Variants in NXPH1 observed in about 807,000 individuals in gnomAD.
NXPH1 encodes neurexophilin 1, also known as neurexophilin-1.
In NXPH1, 5 loss-of-function variants were observed where a neutral mutation model predicts 23.7. That is an observed-to-expected ratio of 0.21 (90% CI 0.11 to 0.44). The LOEUF (loss-of-function observed/expected upper bound fraction) is 0.44. Among genes scored for constraint, NXPH1 ranks in the 20% least tolerant of loss-of-function variants. The probability of loss-of-function intolerance (pLI) is 0.99; values close to 1 mark genes in which losing one functional copy is unlikely to be tolerated. For synonymous variants in NXPH1, 144 were observed against 122.2 expected (o/e 1.18, Z -1.18); for missense variants, 324 against 321.6 (o/e 1.01, Z -0.06).
chr7:8,598,626 T>A (rs1819283554), intron 2 of NXPH1, among the ~76,000 whole-genome samples: 1 of 152,166 alleles, frequency 6.6e-6, no homozygotes, highest in African/African-American at 2.4e-5. Flanking sequence ...AAACCTTTTT[T>A]ATTGAGTGAA....
Position 8,710,948 on chromosome 7 carries a change from C to T in NXPH1, c.55-40060C>T, listed in dbSNP as rs1173713314. ...AAGTGCTGGGACTACAGGCGTGAGC[C>T]ACCGCGCCCGGCCGTTACGGTTTTA... On this transcript the variant is annotated intron_variant, in intron 2 of 2. Transcript: ENST00000405863. Among the ~76,000 whole-genome samples, 4 of 114,996 alleles carry T rather than the reference C, an allele frequency of 3.5e-5. 1 individual carries two copies. Among genetic ancestry groups the T allele is most frequent in the Admixed American group, 2.5e-4 (3 of 12,168 alleles). The allele number at this position is 114,996 out of a possible 152,430, so 75.4% of individuals were successfully genotyped here.
At chr7:8,452,682 A>T (rs2128605674) in intron 2 of NXPH1, among the ~76,000 whole-genome samples, 1 of 152,238 alleles carries the variant, frequency 6.6e-6, no homozygotes, top group Non-Finnish European at 1.5e-5. Context: ...CCATGCTTCT[A>T]TTCAAATGTT....
At chr7:8,688,690 T>TC (rs1017330207) in intron 2 of NXPH1, among the ~76,000 whole-genome samples, 23 of 152,300 alleles carry the variant, frequency 1.5e-4, no homozygotes, top group African/African-American at 5.5e-4. Flanking sequence ...CATCAGACAG[T>TC]CCTATGCTGG....
chr7:8,549,076 A>G (rs1647337659), intron 2 of NXPH1, among the ~76,000 whole-genome samples: 1 of 151,600 alleles, frequency 6.6e-6, no homozygotes, highest in African/African-American at 2.4e-5. Context: ...GCATCTTAAA[A>G]GATAAATTAA....
At chr7:8,728,150 G>T (rs545544061) in intron 2 of NXPH1, among the ~76,000 whole-genome samples, 1 of 151,868 alleles carries the variant, frequency 6.6e-6, no homozygotes, top group African/African-American at 2.4e-5. Context: ...GTCTGTTGTT[G>T]GTGTATAAGA....
intron 2 of NXPH1, among the ~76,000 whole-genome samples, chr7:8,449,110 C>T (rs1040852930): frequency 2.0e-5 from 3 of 152,224 alleles, no homozygotes; most frequent in Non-Finnish European, 4.4e-5. Context: ...GTTTCAAAGT[C>T]CAGGGGCCTT....
chr7:8,605,268 A>T (rs1003339727), intron 2 of NXPH1, among the ~76,000 whole-genome samples: 1 of 152,126 alleles, frequency 6.6e-6, no homozygotes, highest in African/African-American at 2.4e-5. Context: ...AAAGGCTAAT[A>T]CTCAACAGAT....
intron 2 of NXPH1, among the ~76,000 whole-genome samples, chr7:8,436,841 T>G (rs1315920384): frequency 6.6e-6 from 1 of 152,104 alleles, no homozygotes; most frequent in African/African-American, 2.4e-5. Flanking sequence ...CCCAAGAGCC[T>G]TAGATAGAAC....
At chr7:8,718,410 G>A (rs1204669353) in intron 2 of NXPH1, among the ~76,000 whole-genome samples, 1 of 152,162 alleles carries the variant, frequency 6.6e-6, no homozygotes, top group African/African-American at 2.4e-5. Context: ...GAGCTAACAT[G>A]TCTCTGTGCT....
At chr7:8,662,629 C>T (rs1562446912) in intron 2 of NXPH1, among the ~76,000 whole-genome samples, 1 of 151,874 alleles carries the variant, frequency 6.6e-6, no homozygotes, top group Non-Finnish European at 1.5e-5. Flanking sequence ...GTTGTTATTG[C>T]ATTACCTTTA....
intron 2 of NXPH1, among the ~76,000 whole-genome samples, chr7:8,503,896 G>A (rs903865200): frequency 1.3e-5 from 2 of 151,916 alleles, no homozygotes; most frequent in Admixed American, 6.6e-5. Flanking sequence ...CTTAGGCACT[G>A]CTCTATTAAA....
At chr7:8,550,550 C>T (rs1299558642) in intron 2 of NXPH1, among the ~76,000 whole-genome samples, 2 of 151,394 alleles carry the variant, frequency 1.3e-5, no homozygotes, top group African/African-American at 4.8e-5. Context: ...TTTTCATTGA[C>T]TTTTAAAAAT....
chr7:8,550,418 G>A (rs997720934), intron 2 of NXPH1, among the ~76,000 whole-genome samples: 1 of 151,498 alleles, frequency 6.6e-6, no homozygotes, highest in African/African-American at 2.4e-5. Flanking sequence ...TTCAACCCTT[G>A]GGTTCCACTG....
At chr7:8,632,947 A>G (rs1820157823) in intron 2 of NXPH1, among the ~76,000 whole-genome samples, 1 of 152,346 alleles carries the variant, frequency 6.6e-6, no homozygotes, top group African/African-American at 2.4e-5. Context: ...GCATTATTAC[A>G]TCACTTCAGC....
chr7:8,541,114 C>T (rs1426832100), intron 2 of NXPH1, among the ~76,000 whole-genome samples: 1 of 151,564 alleles, frequency 6.6e-6, no homozygotes, highest in Non-Finnish European at 1.5e-5. Flanking sequence ...AAAAGTTATC[C>T]AGAGATGACA....
At chr7:8,737,716 C>T (rs1253541044) in intron 2 of NXPH1, among the ~76,000 whole-genome samples, 1 of 152,180 alleles carries the variant, frequency 6.6e-6, no homozygotes, top group Admixed American at 6.5e-5. Context: ...GGATAATATC[C>T]TGAAGAGTGT....
intron 2 of NXPH1, among the ~76,000 whole-genome samples, chr7:8,436,165 C>T (rs1816189909): frequency 6.6e-6 from 1 of 152,102 alleles, no homozygotes; most frequent in Admixed American, 6.5e-5. Flanking sequence ...AAGAACAAAT[C>T]TGCCCAGGTC....
intron 2 of NXPH1, among the ~76,000 whole-genome samples, chr7:8,693,108 C>G (rs995444883): frequency 1.3e-5 from 2 of 152,020 alleles, no homozygotes; most frequent in East Asian, 1.9e-4. Flanking sequence ...AGAGTCAAAG[C>G]AAGAAGAAGG....
At chr7:8,544,613 G>A (rs10486239) in intron 2 of NXPH1, among the ~76,000 whole-genome samples, 16,365 of 151,626 alleles carry the variant, frequency 0.11, 1,107 homozygotes, top group African/African-American at 0.19. Flanking sequence ...TACTGAGGCA[G>A]ATGATGGTGT....
Sources: gnomAD v4.1 joint callset for allele counts (sites outside exome capture counted in the v4.1 genomes callset) on GRCh38, gnomAD v4.1.1 for gene constraint, MANE v1.5 for transcripts, NCBI Gene and HGNC (gene_info 2026-07-23, HGNC 2026-07-21) for gene names.